The following SLC16A3 variants were observed in gnomAD, a reference collection of about 807,000 sequenced individuals.
SLC16A3 encodes the protein monocarboxylate transporter 4.
A neutral mutation model predicts 25.0 loss-of-function variants in SLC16A3; 22 were observed. The ratio of observed to expected loss-of-function variants is 0.88; its 90% CI spans 0.63 to 1.26. The LOEUF (loss-of-function observed/expected upper bound fraction) is 1.26, where lower values mean the gene tolerates loss of function less well. Ranked by LOEUF, SLC16A3 falls within the 50% of genes most tolerant of loss-of-function variation. SLC16A3 has a pLI of 0.00. For missense variants in SLC16A3, 731 were observed against 666.6 expected, an observed-to-expected ratio of 1.10 and a Z score of -1.06; for synonymous variants, 390 against 309.2, an observed-to-expected ratio of 1.26 and a Z score of -2.74.
chr17:82,227,512 G>A (rs1459226352), upstream of SLC16A3, among the ~76,000 whole-genome samples: 4 of 152,074 alleles, frequency 2.6e-5, no homozygotes, highest in Non-Finnish European at 5.9e-5. Context: ...ACGGTGCCTC[G>A]CACCCCTCTG....
chr17:82,236,043 G>A lies in SLC16A3; in HGVS notation c.35G>A (p.Gly12Asp), dbSNP rs2050591414. Residue 12 changes from glycine to aspartate, a missense_variant, in exon 2 of 5, where the codon GGC (glycine) becomes GAC (aspartate). Physicochemically the swap from Gly to Asp is moderately conservative, Grantham distance 94. Transcript: ENST00000582743. ...GCCGTGGTGGACGAGGGCCCCACAG[G>A]CGTCAAGGCCCCTGACGGCGGCTGG... is the stretch of plus-strand genomic sequence containing the variant. ...GGAVVDEGPT[G>D]VKAPDGGWGW... is the part of the protein sequence containing the mutation. 1.9e-6 allele frequency: 3 copies of A among 1,612,568 alleles called. No homozygotes were observed. The highest frequency in any genetic ancestry group is 2.5e-6 in the Non-Finnish European group (3 of 1,179,816).
rs1057478626 is a variant in SLC16A3 at position 82,239,244 on chromosome 17, G to A, written c.*268G>A. The A allele has an allele frequency of 2.6e-5, 5 of 195,668 alleles. No individual in the cohort carries two copies. The highest frequency in any genetic ancestry group is 6.3e-5 in the Admixed American group (1 of 15,920). 12.1% of individuals were successfully genotyped at this position (195,668 alleles called of 1,614,324 possible). On this transcript the variant is annotated 3_prime_UTR_variant, in exon 5 of 5. Transcript: ENST00000582743. ...CGCCTGCTGCTCCCAGGTGGCCTGCGGCCACTGCTATGCTCAAGGACCTGG... is the reference window on the plus strand; with the variant it reads ...CGCCTGCTGCTCCCAGGTGGCCTGCAGCCACTGCTATGCTCAAGGACCTGG...
In SLC16A3 at chr17:82,222,698, G is replaced by A. The variant is rs141682064; in HGVS notation, c.-27+4514G>A. ...GCACGCCTGTAATCCAGCTACTCGG[G>A]AGGCTGAGGCAGGAGAATCACTCGA... On this transcript the variant is annotated intron_variant, in intron 1 of 4. Coordinates refer to the SLC16A3 transcript ENST00000580098. 6.3e-3 allele frequency among the ~76,000 whole-genome samples: 964 copies of A among 151,992 alleles called. 6 individuals carry two copies. Among genetic ancestry groups the A allele is most frequent in the Middle Eastern group, 0.01 (3 of 294 alleles).
rs552956696 is a variant in SLC16A3, at chr17:82,239,045, CA to C, written c.*72del. ...CCGGCAACGCTTGCTATTTATTTTA[CA>C]AACTGGACTGGCTCAGGCAGGGCCA... On this transcript the variant is annotated 3_prime_UTR_variant, in exon 5 of 5. Coordinates refer to ENST00000582743, the MANE Select transcript of SLC16A3 (RefSeq NM_004207.4). 1.4e-6 allele frequency: 2 copies of C among 1,437,030 alleles called. No homozygotes were observed. The highest frequency in any genetic ancestry group is 2.8e-5 in the African/African-American group (2 of 70,204). 89.0% of individuals were successfully genotyped at this position (1,437,030 alleles called of 1,614,324 possible).
chr17:82,227,448 C>T (rs1011798736), upstream of SLC16A3, among the ~76,000 whole-genome samples: 1 of 152,054 alleles, frequency 6.6e-6, no homozygotes, highest in African/African-American at 2.4e-5. Flanking sequence ...AGCACGGTAC[C>T]CTCGCCTCCC....
At chr17:82,231,901 C>A (rs1178091191) in intron 1 of SLC16A3, 1 of 152,346 alleles carries the variant, frequency 6.6e-6, no homozygotes, top group Non-Finnish European at 1.5e-5. Context: ...AGGCCTGGGG[C>A]AGCCCCTTGC....
In SLC16A3 at chr17:82,239,099, G is replaced by A. The variant is rs537637817; in HGVS notation, c.*123G>A. The A allele has an allele frequency of 2.6e-5, 25 of 949,824 alleles. No homozygotes were observed. The highest frequency in any genetic ancestry group is 5.4e-5 in the East Asian group (2 of 37,250). The allele number at this position is 949,824 out of a possible 1,614,324, so 58.8% of individuals were successfully genotyped here. A position where few individuals can be genotyped will look rare whatever the true frequency, so the allele number is the denominator to read the frequency against. On this transcript the variant is annotated 3_prime_UTR_variant, in exon 5 of 5. Transcript: ENST00000582743. Reference sequence around the variant, plus strand: ...GCTGGGCTCCAGCTGCCGGCCCAGCGGATCGTCGCCCGATCAGTGTTTTGA... The same window carrying A: ...GCTGGGCTCCAGCTGCCGGCCCAGCAGATCGTCGCCCGATCAGTGTTTTGA...
intron 1 of SLC16A3, among the ~76,000 whole-genome samples, chr17:82,233,470 G>A (rs7503404): frequency 0.64 from 97,108 of 151,788 alleles, 32,241 homozygotes; most frequent in East Asian, 0.92. Context: ...GGGGCGCCGC[G>A]TCTCCTGAGG....
At chr17:82,226,280 G>T (rs1326349556), upstream of SLC16A3, among the ~76,000 whole-genome samples, 2 of 152,146 alleles carry the variant, frequency 1.3e-5, no homozygotes, top group African/African-American at 4.8e-5. Context: ...GCCAGGGATG[G>T]TGCCACCTGT....
chr17:82,236,580 G>A (rs191649521), intron 2 of SLC16A3, 149 bp from the exon 3 acceptor site: 34 of 1,171,732 alleles, frequency 2.9e-5, no homozygotes, highest in African/African-American at 7.6e-5. Context: ...GCCTGCGCTC[G>A]GGGAGCCTGC....
In SLC16A3 at chr17:82,237,449, G is replaced by A. The variant is rs200722804; in HGVS notation, c.679G>A (p.Gly227Ser). 7.8e-5 allele frequency: 125 copies of A among 1,601,312 alleles called. No individual in the cohort carries two copies. Among genetic ancestry groups the A allele is most frequent in the Non-Finnish European group, 9.2e-5 (108 of 1,175,964 alleles). Reference sequence around the variant, plus strand: ...AGACCTGAGCGTCTTCCGGGACCGCGGCTTTGTGCTTTACGCCGTGGCCGC... The same window carrying A: ...AGACCTGAGCGTCTTCCGGGACCGCAGCTTTGTGCTTTACGCCGTGGCCGC... Reference protein sequence around the residue: ...LLDLSVFRDRGFVLYAVAASV... With the variant: ...LLDLSVFRDRSFVLYAVAASV... The change falls in exon 4 of 5, where the codon GGC becomes AGC. Residue 227 changes from glycine to serine, a missense_variant. Coordinates refer to ENST00000582743, the MANE Select transcript of SLC16A3 (RefSeq NM_004207.4).
intron 1 of SLC16A3, among the ~76,000 whole-genome samples, chr17:82,222,216 TGG>T (rs2050393438): frequency 1.1e-5 from 1 of 93,882 alleles, no homozygotes; most frequent in African/African-American, 5.2e-5. Flanking sequence ...AGCGTCGCCC[TGG>T]GACCCCCAAC....
chr17:82,232,124 T>C (rs1267845465), intron 1 of SLC16A3: 1 of 152,178 alleles, frequency 6.6e-6, no homozygotes, highest in East Asian at 1.9e-4. Flanking sequence ...GCTTCCTTGG[T>C]CCTCAGGCAG....
At position 82,236,858 on chromosome 17, in the gene SLC16A3, C is replaced by G. The variant is rs759040163; in HGVS notation, c.353C>G (p.Thr118Ser). The G allele has an allele frequency of 6.2e-7, 1 of 1,606,332 alleles. No individual in the cohort carries two copies. The highest frequency in any genetic ancestry group is 1.7e-5 in the Admixed American group (1 of 60,022). Residue 118 changes from threonine (T) to serine (S), a missense_variant, in exon 3 of 5, where the codon ACT (threonine) becomes AGT (serine). Transcript: ENST00000582743. ...CRSIIQVYLTTGVITGLGLAL... is the reference protein window; with the variant it reads ...CRSIIQVYLTSGVITGLGLAL... Reference sequence around the variant, plus strand: ...AGCATCATCCAGGTCTACCTCACCACTGGGGTCATCACGGGTGAGTGGGGC... The same window carrying G: ...AGCATCATCCAGGTCTACCTCACCAGTGGGGTCATCACGGGTGAGTGGGGC...
chr17:82,235,206 T>G (rs1405645250), intron 1 of SLC16A3: 2 of 152,102 alleles, frequency 1.3e-5, no homozygotes, highest in Middle Eastern at 3.1e-3. Context: ...CTGCAGCCTA[T>G]GGGTCACTCC....
chr17:82,239,769 A>G lies in SLC16A3; in HGVS notation c.*793A>G, dbSNP rs887718572. The G allele has an allele frequency of 4.6e-5, 18 of 394,386 alleles. No individual in the cohort carries two copies. Among genetic ancestry groups the G allele is most frequent in the East Asian group, 4.0e-4 (11 of 27,798 alleles). 24.4% of individuals were successfully genotyped at this position (394,386 alleles called of 1,614,324 possible). A position where few individuals can be genotyped will look rare whatever the true frequency, so the allele number is the denominator to read the frequency against. The stretch of plus-strand genomic sequence containing the variant: ...TTATTCACTGCTGTGTTTAAGAAAC[A>G]GGACCCTCCTGCCTTCCCTTTTTCG... On this transcript the variant is annotated 3_prime_UTR_variant, in exon 5 of 5. Transcript: ENST00000582743.
chr17:82,219,082 G>A (rs550754161), intron 1 of SLC16A3, among the ~76,000 whole-genome samples: 21 of 152,290 alleles, frequency 1.4e-4, no homozygotes, highest in Admixed American at 1.2e-3. Context: ...CCGTGAGAGT[G>A]GATGGGGCCA....
At chr17:82,221,495 G>C (rs913193231) in intron 1 of SLC16A3, among the ~76,000 whole-genome samples, 1 of 151,972 alleles carries the variant, frequency 6.6e-6, no homozygotes, top group East Asian at 1.9e-4. Context: ...TGTGAACCCG[G>C]GAGGTGAAGG....
chr17:82,236,261 T>C, intron 2 of SLC16A3, 30 bp downstream of exon 2: 1 of 1,591,964 alleles, frequency 6.3e-7, no homozygotes, highest in Non-Finnish European at 8.6e-7. Context: ...GGGCCCCCTG[T>C]CCGGGGCTCT....
Sources: gnomAD v4.1 joint callset for allele counts (sites outside exome capture counted in the v4.1 genomes callset) on GRCh38, gnomAD v4.1.1 for gene constraint, MANE v1.5 for transcripts, NCBI Gene and HGNC (gene_info 2026-07-23, HGNC 2026-07-21) for gene names.